Variants in TIMM23B observed in about 807,000 individuals in gnomAD.
TIMM23B encodes translocase of inner mitochondrial membrane 23 homolog B.
Under a neutral mutation model 27.3 loss-of-function variants are expected in TIMM23B, and 27 were observed. That is an observed-to-expected ratio of 0.99 (90% confidence interval 0.73 to 1.36). The LOEUF (loss-of-function observed/expected upper bound fraction) is 1.36, where lower values mean the gene tolerates loss of function less well. TIMM23B is among the 40% of genes most tolerant of loss of function. The probability of loss-of-function intolerance (pLI) is 0.00; values close to 1 mark genes in which losing one functional copy is unlikely to be tolerated. For missense variants in TIMM23B, 205 were observed against 244.2 expected, an observed-to-expected ratio of 0.84 and a Z score of 1.07; for synonymous variants, 73 against 92.4, an observed-to-expected ratio of 0.79 and a Z score of 1.21.
At chr10:49,958,550 C>T (rs1839796955) in intron 6 of TIMM23B, 70 bp downstream of exon 6, 4 of 1,418,114 alleles carry the variant, frequency 2.8e-6, no homozygotes, top group Middle Eastern at 1.8e-4. Context: ...TCATGGTTTT[C>T]AAGGAAATTA....
At chr10:49,950,985 G>A (rs1839512417) in intron 2 of TIMM23B, among the ~76,000 whole-genome samples, 1 of 151,904 alleles carries the variant, frequency 6.6e-6, no homozygotes, top group South Asian at 2.1e-4. Flanking sequence ...CAAACAAAAA[G>A]CAGTTTAATA....
At position 49,944,880 on chromosome 10, in the gene TIMM23B, G is replaced by GA. The variant is rs781887387; in HGVS notation, c.107-151dup. Among the ~76,000 whole-genome samples, 995 of 152,294 alleles carry GA rather than the reference G, an allele frequency of 6.5e-3. 7 individuals are homozygous for GA. Among genetic ancestry groups the GA allele is most frequent in the Non-Finnish European group, 0.01 (711 of 68,024 alleles). The stretch of plus-strand genomic sequence containing the variant: ...CTCAGGATGAGTCAGCCCCCAAACT[G>GA]ACAGATAGGGAGGATAAAATGGGAA... On this transcript the variant is annotated intron_variant, in intron 1 of 6. Coordinates refer to ENST00000651259, the MANE Select transcript of TIMM23B (RefSeq NM_001290117.2).
At chr10:49,967,603 A>G (rs1381839789) in intron 6 of TIMM23B, among the ~76,000 whole-genome samples, 2 of 151,652 alleles carry the variant, frequency 1.3e-5, no homozygotes, top group Admixed American at 1.3e-4. Context: ...GTCCTGTGAC[A>G]TAGAATTAAT....
At chr10:49,967,098 T>G (rs1554855558) in intron 6 of TIMM23B, among the ~76,000 whole-genome samples, 1 of 152,174 alleles carries the variant, frequency 6.6e-6, no homozygotes, top group Non-Finnish European at 1.5e-5. Context: ...TTTTTTGTGT[T>G]TTTTGTAGAG....
intron 5 of TIMM23B, among the ~76,000 whole-genome samples, chr10:49,955,618 G>C (rs1434709531): frequency 2.0e-5 from 3 of 152,164 alleles, no homozygotes; most frequent in African/African-American, 4.8e-5. Context: ...TATTGTTTAT[G>C]AATGATTGAT....
chr10:49,957,255 A>ATT (rs1219932424), intron 5 of TIMM23B, among the ~76,000 whole-genome samples: 91 of 134,322 alleles, frequency 6.8e-4, no homozygotes, highest in African/African-American at 2.2e-3. Context: ...TATTATAAAG[A>ATT]TTTTTTTTTT....
rs1393973408 is a variant in TIMM23B at position 49,942,120 on chromosome 10, T to A, written c.-75T>A. ...CTGGCAACGCGGGGTTACCCGCTGTTATTGAGGAGTAACGGCCCAGCGGAC... is the reference window on the plus strand; with the variant it reads ...CTGGCAACGCGGGGTTACCCGCTGTAATTGAGGAGTAACGGCCCAGCGGAC... On this transcript the variant is annotated 5_prime_UTR_variant, in exon 1 of 7. Coordinates refer to ENST00000651259, the MANE Select transcript of TIMM23B (RefSeq NM_001290117.2). The A allele has an allele frequency of 5.8e-4, 855 of 1,482,346 alleles. No homozygotes were observed. The highest frequency in any genetic ancestry group is 7.4e-4 in the Non-Finnish European group (811 of 1,102,220). The allele number at this position is 1,482,346 out of a possible 1,614,324, so 91.8% of individuals were successfully genotyped here. A position where few individuals can be genotyped will look rare whatever the true frequency, so the allele number is the denominator to read the frequency against.
chr10:49,952,612 G>A, intron 4 of TIMM23B, 79 bp downstream of exon 4: 1 of 1,499,028 alleles, frequency 6.7e-7, no homozygotes, highest in South Asian at 1.2e-5. Context: ...GTACAACCTT[G>A]AGATTACAGA....
intron 1 of TIMM23B, 118 bp downstream of exon 1, chr10:49,942,418 A>G: frequency 6.5e-7 from 1 of 1,532,232 alleles, no homozygotes; most frequent in Non-Finnish European, 8.8e-7. Context: ...TTACAAGCTT[A>G]AGTACCAGTG....
intron 2 of TIMM23B, 92 bp from the exon 3 acceptor site, chr10:49,952,034 T>C (rs1839550074): frequency 4.2e-6 from 4 of 948,492 alleles, no homozygotes. Flanking sequence ...GTTTATTTTC[T>C]GTGAAAAACT....
Position 49,942,448 on chromosome 10 carries a change from A to G in TIMM23B, c.106+148A>G, listed in dbSNP as rs1441461840. On this transcript the variant is annotated intron_variant, in intron 1 of 6. Coordinates refer to ENST00000651259, the MANE Select transcript of TIMM23B (RefSeq NM_001290117.2). The stretch of plus-strand genomic sequence containing the variant: ...CCAGTGGTGGGGTTAGTGTATCTGC[A>G]TGGCTGCTCTTTCAAGATAGAAAGG... The G allele has an allele frequency of 4.3e-6, 6 of 1,409,132 alleles. No homozygotes were observed. In the African/African-American group the frequency reaches 5.8e-5, roughly 14 times the overall value. The allele number at this position is 1,409,132 out of a possible 1,614,324, so 87.3% of individuals were successfully genotyped here. A position where few individuals can be genotyped will look rare whatever the true frequency, so the allele number is the denominator to read the frequency against.
chr10:49,944,321 G>A (rs2133045497), intron 1 of TIMM23B, among the ~76,000 whole-genome samples: 1 of 152,272 alleles, frequency 6.6e-6, no homozygotes. Flanking sequence ...ATTCAAAATG[G>A]GTATTAAAAA....
At chr10:49,957,471 G>A (rs1182329763) in intron 5 of TIMM23B, among the ~76,000 whole-genome samples, 1 of 151,908 alleles carries the variant, frequency 6.6e-6, no homozygotes, top group Non-Finnish European at 1.5e-5. Context: ...GCCCAGACTG[G>A]TCTCTGACTC....
At chr10:49,957,787 C>T (rs1206573001) in intron 5 of TIMM23B, among the ~76,000 whole-genome samples, 7 of 152,168 alleles carry the variant, frequency 4.6e-5, no homozygotes, top group Non-Finnish European at 1.0e-4. Context: ...ATTGGATAGG[C>T]ATGACTGAAG....
intron 6 of TIMM23B, among the ~76,000 whole-genome samples, chr10:49,961,412 AAAT>A (rs1341278305): frequency 9.2e-5 from 14 of 151,850 alleles, no homozygotes; most frequent in East Asian, 1.9e-4. Context: ...AAAAGAAAAA[AAAT>A]AATGATGGGA....
rs1459095570 is a variant in TIMM23B, at chr10:49,960,198, C to T, written c.514+1718C>T. 3.3e-5 allele frequency among the ~76,000 whole-genome samples: 5 copies of T among 149,876 alleles called. No individual in the cohort carries two copies. The East Asian group carries it at 7.7e-4, about 23-fold the overall frequency. On this transcript the variant is annotated intron_variant, in intron 6 of 6. Transcript: ENST00000651259. ...AGCTGGGACTACAGGCACACGCCTC[C>T]ACACCCAGCTAATTTTTTTTTTTTT...
At chr10:49,942,419 A>G in intron 1 of TIMM23B, 119 bp downstream of exon 1, 1 of 1,531,918 alleles carries the variant, frequency 6.5e-7, no homozygotes, top group Non-Finnish European at 8.8e-7. Flanking sequence ...TACAAGCTTA[A>G]GTACCAGTGG....
intron 2 of TIMM23B, among the ~76,000 whole-genome samples, chr10:49,945,411 G>T (rs1839323828): frequency 6.6e-6 from 1 of 152,158 alleles, no homozygotes; most frequent in African/African-American, 2.4e-5. Flanking sequence ...CCAGAGTTTT[G>T]CTTTTGTCCT....
Position 49,958,460 on chromosome 10 carries a change from G to T in TIMM23B, c.494G>T (p.Gly165Val), listed in dbSNP as rs1839794349. 1 of 1,613,120 alleles carries T rather than the reference G, an allele frequency of 6.2e-7. No individual in the cohort carries two copies. The highest frequency in any genetic ancestry group is 8.5e-7 in the Non-Finnish European group (1 of 1,179,166). ...LNTVAAGTMT[G>V]MLYKCTVSEM... ...ACAGTAGCAGCTGGAACCATGACAG[G>T]CATGTTGTATAAATGTACAGGTGAG... is the stretch of plus-strand genomic sequence containing the variant. The change falls in exon 6 of 7, where the codon GGC becomes GTC. Residue 165 changes from glycine (G) to valine (V), a missense_variant. Coordinates refer to ENST00000651259, the MANE Select transcript of TIMM23B (RefSeq NM_001290117.2).
Sources: gnomAD v4.1 joint callset for allele counts (sites outside exome capture counted in the v4.1 genomes callset) on GRCh38, gnomAD v4.1.1 for gene constraint, MANE v1.5 for transcripts, NCBI Gene and HGNC (gene_info 2026-07-23, HGNC 2026-07-21) for gene names.